Variants in ATP2B1 observed in about 807,000 individuals in gnomAD.
The protein encoded by ATP2B1 is plasma membrane calcium-transporting ATPase 1.
In ATP2B1, 14 loss-of-function variants were observed where a neutral mutation model predicts 124.2. The observed-to-expected ratio is 0.11, with a 90% CI of 0.07 to 0.18. The LOEUF (loss-of-function observed/expected upper bound fraction) is 0.18. ATP2B1 is among the 10% of genes least tolerant of loss of function. The pLI is 1.00. For synonymous variants in ATP2B1, 449 were observed against 492.4 expected (o/e 0.91, Z 1.17); for missense variants, 763 against 1,466.1 (o/e 0.52, Z 7.83).
At chr12:89,622,681 T>C (rs1880197926) in intron 9 of ATP2B1, among the ~76,000 whole-genome samples, 1 of 152,152 alleles carries the variant, frequency 6.6e-6, no homozygotes, top group Non-Finnish European at 1.5e-5. Flanking sequence ...GATTTACATA[T>C]TAAAGATTAG....
At chr12:89,707,701 G>A (rs1301735684) in intron 1 of ATP2B1, among the ~76,000 whole-genome samples, 1 of 152,280 alleles carries the variant, frequency 6.6e-6, no homozygotes. Context: ...AGCGCACAGG[G>A]TGCGAGCACT....
intron 20 of ATP2B1, 57 bp from the exon 21 acceptor site, chr12:89,591,352 GGTTCATTTATGA>G: frequency 6.8e-7 from 1 of 1,465,684 alleles, no homozygotes; most frequent in Non-Finnish European, 9.2e-7. Flanking sequence ...ACTTAAAAAT[GGTTCATTTATGA>G]GTTTGAATCC....
At chr12:89,633,323 T>G (rs1471656997) in intron 5 of ATP2B1, among the ~76,000 whole-genome samples, 1 of 151,912 alleles carries the variant, frequency 6.6e-6, no homozygotes, top group Non-Finnish European at 1.5e-5. Flanking sequence ...TTATTATATT[T>G]TAAGTTTTAG....
intron 1 of ATP2B1, among the ~76,000 whole-genome samples, chr12:89,688,338 G>T (rs1224589961): frequency 6.6e-6 from 1 of 152,074 alleles, no homozygotes; most frequent in African/African-American, 2.4e-5. Context: ...AATGTTTTAG[G>T]TTATAAAATA....
chr12:89,672,270 C>T (rs1176370619), intron 1 of ATP2B1, among the ~76,000 whole-genome samples: 2 of 152,150 alleles, frequency 1.3e-5, no homozygotes, highest in Admixed American at 1.3e-4. Context: ...GCCTGGTCAA[C>T]ATGGTGAAAC....
chr12:89,679,069 A>C (rs996419814), intron 1 of ATP2B1, among the ~76,000 whole-genome samples: 2 of 151,964 alleles, frequency 1.3e-5, no homozygotes, highest in African/African-American at 4.8e-5. Flanking sequence ...AAAAAAAATC[A>C]CTATTTTAGG....
At chr12:89,705,453 A>G (rs1892338249) in intron 1 of ATP2B1, among the ~76,000 whole-genome samples, 1 of 152,168 alleles carries the variant, frequency 6.6e-6, no homozygotes, top group Non-Finnish European at 1.5e-5. Context: ...AAAAAGTGAA[A>G]ACATCAATTT....
In ATP2B1 at chr12:89,671,312, G is replaced by C. The variant is rs531862534; in HGVS notation, c.-221-15205C>G. Among the ~76,000 whole-genome samples, 63 of 152,226 alleles carry C rather than the reference G, an allele frequency of 4.1e-4. No individual in the cohort carries two copies. The South Asian group carries it at 0.013, about 31-fold the overall frequency. On this transcript the variant is annotated intron_variant, in intron 1 of 20. Transcript: ENST00000428670. The stretch of plus-strand genomic sequence containing the variant: ...TGGTCAAACATCGTCTTCTAAGGAC[G>C]ATCATTAGAAGAGGAAAAGAAAATC...
chr12:89,707,110 A>G (rs1474351268), intron 1 of ATP2B1, among the ~76,000 whole-genome samples: 1 of 152,198 alleles, frequency 6.6e-6, no homozygotes, highest in Non-Finnish European at 1.5e-5. Flanking sequence ...AATGAAACGC[A>G]CAAGTACAAA....
At chr12:89,653,389 C>T (rs886326697) in intron 2 of ATP2B1, among the ~76,000 whole-genome samples, 29 of 145,418 alleles carry the variant, frequency 2.0e-4, no homozygotes, top group Non-Finnish European at 2.8e-4. Flanking sequence ...CTCCGCTTCC[C>T]GGGTTCACGC....
At chr12:89,680,613 G>A (rs1315320117) in intron 1 of ATP2B1, among the ~76,000 whole-genome samples, 1 of 152,098 alleles carries the variant, frequency 6.6e-6, no homozygotes, top group Non-Finnish European at 1.5e-5. Flanking sequence ...ATGTGCAAGA[G>A]ATCCAACACT....
rs186661759 is a variant in ATP2B1 at position 89,590,790 on chromosome 12, C to T, written c.*194G>A. The T allele has an allele frequency of 2.3e-3, 1,344 of 595,406 alleles. 5 individuals carry two copies. Among genetic ancestry groups the T allele is most frequent in the Non-Finnish European group, 2.6e-3 (926 of 354,788 alleles). 36.9% of individuals were successfully genotyped at this position (595,406 alleles called of 1,614,324 possible). On this transcript the variant is annotated 3_prime_UTR_variant, in exon 21 of 21. Transcript: ENST00000428670. ...TCTGTCAGTTCATTTCTCCCACCCC[C>T]CAAAAAGCACCCTCAGTCTGGCAGA...
intron 1 of ATP2B1, among the ~76,000 whole-genome samples, chr12:89,699,942 T>TCAAGC (rs1891632401): frequency 6.6e-6 from 1 of 151,606 alleles, no homozygotes; most frequent in Non-Finnish European, 1.5e-5. Context: ...CCTCCTAGAA[T>TCAAGC]CAAGCGATCC....
chr12:89,626,543 T>C lies in ATP2B1; in HGVS notation c.1040A>G (p.Lys347Arg), dbSNP rs1749895835. ...KSEEGGDGDE[K>R]DKKKANLPKK... is the part of the protein sequence containing the mutation. ...TGGCAAATTTGCTTTCTTTTTATCT[T>C]TTTCATCACCATCTCCACCTTCTTC... Residue 347 changes from lysine to arginine, a missense_variant, in exon 8 of 21, where the codon AAA becomes AGA. Lys to Arg is a conservative substitution (Grantham distance 26, BLOSUM62 2). Around this residue, in one of 7 missense-constraint regions of ATP2B1, gnomAD observed 392 missense variants for 776.6 expected, o/e 0.50. Transcript: ENST00000428670. 5 of 1,613,898 alleles carry C rather than the reference T, an allele frequency of 3.1e-6. No homozygotes were observed. The highest frequency in any genetic ancestry group is 4.2e-6 in the Non-Finnish European group (5 of 1,179,938).
At chr12:89,656,717 C>CTA (rs1237076718) in intron 1 of ATP2B1, among the ~76,000 whole-genome samples, 1 of 152,184 alleles carries the variant, frequency 6.6e-6, no homozygotes, top group Non-Finnish European at 1.5e-5. Context: ...CCGGCAAAAA[C>CTA]TATACTCTAT....
At chr12:89,641,634 G>T (rs917370574) in intron 3 of ATP2B1, among the ~76,000 whole-genome samples, 1 of 152,004 alleles carries the variant, frequency 6.6e-6, no homozygotes, top group Admixed American at 6.6e-5. Context: ...AAAGTATTTC[G>T]GATTTTCATA....
At chr12:89,622,922 A>G (rs1453609460) in intron 9 of ATP2B1, among the ~76,000 whole-genome samples, 1 of 152,204 alleles carries the variant, frequency 6.6e-6, no homozygotes, top group African/African-American at 2.4e-5. Context: ...AGTATCATTA[A>G]TGACTACTCA....
chr12:89,628,628 T>G (rs545559715), intron 6 of ATP2B1, among the ~76,000 whole-genome samples: 1 of 152,080 alleles, frequency 6.6e-6, no homozygotes, highest in African/African-American at 2.4e-5. Flanking sequence ...AATAAAGTAA[T>G]GAAGGGACAG....
At chr12:89,702,057 A>C (rs1012353902) in intron 1 of ATP2B1, among the ~76,000 whole-genome samples, 3 of 152,236 alleles carry the variant, frequency 2.0e-5, no homozygotes, top group Non-Finnish European at 2.9e-5. Flanking sequence ...CCTGGTACAC[A>C]AAGTTAACAA....
Sources: gnomAD v4.1 joint callset for allele counts (sites outside exome capture counted in the v4.1 genomes callset) on GRCh38, gnomAD v4.1.1 for gene constraint, gnomAD v4.1.1 regional missense constraint, MANE v1.5 for transcripts, NCBI Gene and HGNC (gene_info 2026-07-23, HGNC 2026-07-21) for gene names.